NLRP1: variants seen among roughly 807,000 people sequenced by gnomAD.
NLRP1 encodes NLR family pyrin domain containing 1.
A neutral mutation model predicts 136.7 loss-of-function variants in NLRP1; 94 were observed. The observed-to-expected ratio is 0.69, with a 90% CI of 0.58 to 0.82. The LOEUF is 0.82. Ranked by LOEUF, NLRP1 falls within the 40% of genes least tolerant of loss-of-function variation. The pLI is 0.00. For synonymous variants in NLRP1, 690 were observed against 725.1 expected, an observed-to-expected ratio of 0.95 and a Z score of 0.78; for missense variants, 1,575 against 1,802.7, an observed-to-expected ratio of 0.87 and a Z score of 2.29.
At chr17:5,550,930 T>C (rs1013398722) in intron 5 of NLRP1, among the ~76,000 whole-genome samples, 7 of 152,098 alleles carry the variant, frequency 4.6e-5, no homozygotes, top group Non-Finnish European at 7.4e-5. Context: ...CGAGTTCCCA[T>C]ATACTCCCTG....
intron 8 of NLRP1, among the ~76,000 whole-genome samples, chr17:5,535,292 G>C (rs1910901166): frequency 6.6e-6 from 1 of 152,092 alleles, no homozygotes; most frequent in African/African-American, 2.4e-5. Context: ...AGTGGGGCCT[G>C]AGAATTTGCA....
chr17:5,519,402 T>TCCCC (rs1555542397), intron 14 of NLRP1, among the ~76,000 whole-genome samples: 1 of 150,688 alleles, frequency 6.6e-6, no homozygotes, highest in African/African-American at 2.4e-5. Flanking sequence ...TGCCTTGAAC[T>TCCCC]CCCATAGTGC....
At chr17:5,520,859 A>C in intron 14 of NLRP1, 22 bp downstream of exon 14, 1 of 1,541,078 alleles carries the variant, frequency 6.5e-7, no homozygotes, top group Non-Finnish European at 8.8e-7. Flanking sequence ...CGCAGTGAAG[A>C]GGCAGACACT....
rs1325486520 is a variant in NLRP1, at chr17:5,533,432, C to T, written c.3053-48G>A. The T allele has an allele frequency of 6.7e-6, 5 of 748,958 alleles. No individual in the cohort carries two copies. In the African/African-American group the frequency reaches 8.6e-5, roughly 13 times the overall value. The allele number at this position is 748,958 out of a possible 1,614,324, so 46.4% of individuals were successfully genotyped here. A position where few individuals can be genotyped will look rare whatever the true frequency, so the allele number is the denominator to read the frequency against. On this transcript the variant is annotated intron_variant, in intron 9 of 16. Coordinates refer to ENST00000572272, the MANE Select transcript of NLRP1 (RefSeq NM_033004.4). ...AGCCAGGCATGGTGGTGAGCATCTG[C>T]AGTCCCAGTTCTACTCAGGAGGCGG...
intron 12 of NLRP1, among the ~76,000 whole-genome samples, chr17:5,522,354 A>G (rs1909009712): frequency 6.6e-6 from 1 of 152,218 alleles, no homozygotes; most frequent in South Asian, 2.1e-4. Context: ...CATGAATGGG[A>G]TTAGTGCCCT....
chr17:5,563,379 T>C (rs35156888), intron 3 of NLRP1, among the ~76,000 whole-genome samples: 10,022 of 152,206 alleles, frequency 0.066, 423 homozygotes, highest in African/African-American at 0.11. Context: ...CTAAGGAATA[T>C]GATAAAATGA....
intron 3 of NLRP1, among the ~76,000 whole-genome samples, chr17:5,572,472 C>G (rs1904480798): frequency 6.6e-6 from 1 of 152,102 alleles, no homozygotes; most frequent in South Asian, 2.1e-4. Flanking sequence ...AATCCTACCA[C>G]TTTGGGGACT....
chr17:5,582,646 TCAGC>T lies in NLRP1; in HGVS notation c.448+20_448+23del. 2 of 1,611,532 alleles carry T rather than the reference TCAGC, an allele frequency of 1.2e-6. No homozygotes were observed. Among genetic ancestry groups the T allele is most frequent in the Non-Finnish European group, 1.7e-6 (2 of 1,178,694 alleles). On this transcript the variant is annotated intron_variant, in intron 2 of 16. Transcript: ENST00000572272. Reference sequence around the variant, plus strand: ...TGATTCACAGCTCCACCCAGGGCTGTCAGCCTGCCTCAGCAAGCCTCACCTCTCC... The same window carrying T: ...TGATTCACAGCTCCACCCAGGGCTGTCTGCCTCAGCAAGCCTCACCTCTCC...
chr17:5,569,368 T>A (rs2151815754), intron 3 of NLRP1, among the ~76,000 whole-genome samples: 1 of 152,276 alleles, frequency 6.6e-6, no homozygotes, highest in South Asian at 2.1e-4. Context: ...GATACTGTCT[T>A]CAAGAGATCC....
intron 16 of NLRP1, 72 bp downstream of exon 16, chr17:5,515,401 C>T (rs2083506556): frequency 7.8e-7 from 1 of 1,288,960 alleles, no homozygotes; most frequent in Non-Finnish European, 1.1e-6. Flanking sequence ...TTTCTCTCTT[C>T]CCTTCCCCCA....
At chr17:5,530,202 C>T (rs1910064373) in intron 12 of NLRP1, 1 of 507,850 alleles carries the variant, frequency 2.0e-6, no homozygotes, top group East Asian at 4.1e-5. Context: ...CATCTCTTTC[C>T]TGCTGGGACC....
intron 5 of NLRP1, among the ~76,000 whole-genome samples, chr17:5,546,103 A>T (rs1213044457): frequency 6.6e-6 from 1 of 152,216 alleles, no homozygotes; most frequent in Non-Finnish European, 1.5e-5. Flanking sequence ...GGTGAAGGGC[A>T]CAGGCTTTGG....
intron 3 of NLRP1, among the ~76,000 whole-genome samples, chr17:5,561,537 G>A (rs956018512): frequency 2.1e-5 from 2 of 95,580 alleles, no homozygotes; most frequent in East Asian, 5.4e-4. Context: ...TCCGCTTCCC[G>A]GGTTCACGCC....
downstream of NLRP1, among the ~76,000 whole-genome samples, chr17:5,510,547 CAG>C (rs1232931046): frequency 1.3e-5 from 2 of 150,656 alleles, no homozygotes; most frequent in African/African-American, 2.5e-5. Flanking sequence ...TTTGTAGAGA[CAG>C]AGTTTCACCA....
At chr17:5,568,694 T>G (rs1283657614) in intron 3 of NLRP1, among the ~76,000 whole-genome samples, 1 of 152,180 alleles carries the variant, frequency 6.6e-6, no homozygotes, top group Non-Finnish European at 1.5e-5. Context: ...GCAGCCTTTT[T>G]GGAAAGGCTT....
chr17:5,560,960 C>G (rs915652499), intron 3 of NLRP1, among the ~76,000 whole-genome samples: 2 of 152,252 alleles, frequency 1.3e-5, no homozygotes, highest in South Asian at 4.1e-4. Context: ...CTATCTTAGT[C>G]AGATTCCAAA....
intron 3 of NLRP1, among the ~76,000 whole-genome samples, chr17:5,568,225 G>C (rs187684615): frequency 2.0e-5 from 3 of 152,046 alleles, no homozygotes; most frequent in Non-Finnish European, 2.9e-5. Context: ...AGATCCTGCA[G>C]GTGTGTTTCA....
downstream of NLRP1, chr17:5,511,979 G>C: frequency 2.0e-6 from 1 of 496,288 alleles, no homozygotes; most frequent in Non-Finnish European, 3.7e-6. Flanking sequence ...TGTAACTTGT[G>C]AAGTGGGCCT....
At chr17:5,561,377 AC>A (rs1281071113) in intron 3 of NLRP1, among the ~76,000 whole-genome samples, 1 of 151,106 alleles carries the variant, frequency 6.6e-6, no homozygotes, top group Non-Finnish European at 1.5e-5. Flanking sequence ...TTTTACTCAA[AC>A]AAGTTTTCCT....
Sources: allele counts gnomAD v4.1 joint callset (sites outside exome capture counted in the v4.1 genomes callset), GRCh38; gene constraint gnomAD v4.1.1; transcripts MANE v1.5; gene names NCBI Gene and HGNC (gene_info 2026-07-23, HGNC 2026-07-21).